MBD5: variants seen among roughly 807,000 people sequenced by gnomAD.
MBD5 encodes the protein methyl-CpG binding domain protein 5, also known as methyl-CpG-binding domain protein 5.
MBD5 carries 13 observed loss-of-function variants against 117.3 expected under a neutral mutation model. The observed-to-expected ratio is 0.11, with a 90% CI of 0.07 to 0.18. The LOEUF is 0.18. Ranked by LOEUF, MBD5 falls within the 10% of genes least tolerant of loss-of-function variation. The pLI is 1.00. For missense variants in MBD5, 1,879 were observed against 2,093.8 expected (o/e 0.90, Z 2.00); for synonymous variants, 727 against 766.4 (o/e 0.95, Z 0.85).
In MBD5 at chr2:148,431,592, C is replaced by T. The variant is rs78951917; in HGVS notation, c.-556-26611C>T. Among the ~76,000 whole-genome samples, 211 of 152,164 alleles carry T rather than the reference C, an allele frequency of 1.4e-3. 1 individual carries two copies. The highest frequency in any genetic ancestry group is 2.7e-3 in the Non-Finnish European group (181 of 67,962). Reference sequence around the variant, plus strand: ...GTGTCTGTTGTTCTTCTGTTATCCACGTGTTCTCATTGTTTAGCTTGCACT... The same window carrying T: ...GTGTCTGTTGTTCTTCTGTTATCCATGTGTTCTCATTGTTTAGCTTGCACT... On this transcript the variant is annotated intron_variant, in intron 4 of 13. Transcript: ENST00000642680.
intron 1 of MBD5, among the ~76,000 whole-genome samples, chr2:148,052,962 C>CA (rs780207792): frequency 0.011 from 1,102 of 102,460 alleles, 5 homozygotes; most frequent in South Asian, 0.023. Flanking sequence ...GAGTTCGTCT[C>CA]AAAAAAAAAA....
intron 1 of MBD5, among the ~76,000 whole-genome samples, chr2:148,127,626 C>T (rs1242829224): frequency 1.3e-5 from 2 of 152,192 alleles, no homozygotes; most frequent in Non-Finnish European, 2.9e-5. Flanking sequence ...TTTATTTAGT[C>T]TATCGTTGAT....
intron 10 of MBD5, 110 bp downstream of exon 10, chr2:148,486,060 AT>A: frequency 1.1e-6 from 1 of 910,644 alleles, no homozygotes; most frequent in Non-Finnish European, 1.8e-6. Flanking sequence ...TTTCACCTCT[AT>A]TTACTGTTAT....
chr2:148,261,961 C>T (rs543359545), intron 3 of MBD5, among the ~76,000 whole-genome samples: 1 of 152,276 alleles, frequency 6.6e-6, no homozygotes, highest in Non-Finnish European at 1.5e-5. Flanking sequence ...AGTCAGAACA[C>T]ACACAACATT....
At chr2:148,236,909 C>T (rs1163528760) in intron 3 of MBD5, among the ~76,000 whole-genome samples, 1 of 152,172 alleles carries the variant, frequency 6.6e-6, no homozygotes, top group Admixed American at 6.5e-5. Flanking sequence ...TTAGCTAGAG[C>T]TTCTAGATCA....
chr2:148,419,358 T>C (rs780868716), intron 4 of MBD5, among the ~76,000 whole-genome samples: 16 of 152,162 alleles, frequency 1.1e-4, no homozygotes, highest in Non-Finnish European at 2.2e-4. Flanking sequence ...ATCGTAAATA[T>C]GACACAAATA....
chr2:148,281,861 C>A (rs1280506079), intron 3 of MBD5, among the ~76,000 whole-genome samples: 1 of 152,132 alleles, frequency 6.6e-6, no homozygotes, highest in Non-Finnish European at 1.5e-5. Flanking sequence ...CATCTTAGTG[C>A]CATTTTTATG....
chr2:148,022,003 A>G (rs1443587067), intron 1 of MBD5, among the ~76,000 whole-genome samples: 1 of 152,176 alleles, frequency 6.6e-6, no homozygotes, highest in African/African-American at 2.4e-5. Context: ...GGCGCCAGGG[A>G]AAGAGACAGA....
chr2:148,156,057 G>A (rs2105709200), intron 1 of MBD5, among the ~76,000 whole-genome samples: 1 of 152,340 alleles, frequency 6.6e-6, no homozygotes, highest in East Asian at 1.9e-4. Context: ...ATAGGGGAAA[G>A]TGGCTCAAAA....
At chr2:148,341,584 A>AT (rs1378241686) in intron 3 of MBD5, among the ~76,000 whole-genome samples, 2 of 151,748 alleles carry the variant, frequency 1.3e-5, no homozygotes, top group East Asian at 3.9e-4. Context: ...ATTTTTTGGT[A>AT]TTTTCCATTT....
chr2:148,351,956 CCCTGTCTGGCTT>C (rs1259474704), intron 4 of MBD5, among the ~76,000 whole-genome samples: 3 of 151,804 alleles, frequency 2.0e-5, no homozygotes, highest in African/African-American at 4.8e-5. Context: ...GCCCTTTGTA[CCCTGTCTGGCTT>C]CCTTTTGAGG....
intron 4 of MBD5, among the ~76,000 whole-genome samples, chr2:148,376,838 TATATA>T (rs1349094726): frequency 1.4e-5 from 2 of 138,988 alleles, no homozygotes; most frequent in East Asian, 2.0e-4. Context: ...ATATAACATA[TATATA>T]ATTATATATT....
intron 3 of MBD5, among the ~76,000 whole-genome samples, chr2:148,261,620 T>G (rs1446407069): frequency 2.0e-5 from 3 of 152,246 alleles, no homozygotes; most frequent in African/African-American, 7.2e-5. Context: ...TAAAACTGTT[T>G]ATCAGCAAAA....
intron 1 of MBD5, among the ~76,000 whole-genome samples, chr2:148,153,988 T>C (rs1380147150): frequency 8.0e-6 from 1 of 124,388 alleles, no homozygotes; most frequent in African/African-American, 3.0e-5. Flanking sequence ...GGTGAGGAAC[T>C]GCGTTCCTTT....
chr2:148,127,664 G>A (rs1411108120), intron 1 of MBD5, among the ~76,000 whole-genome samples: 1 of 152,076 alleles, frequency 6.6e-6, no homozygotes, highest in Non-Finnish European at 1.5e-5. Context: ...CCATGTCTTT[G>A]CTATTGTGGA....
In MBD5 at chr2:148,406,462, C is replaced by T. The variant is rs151322249; in HGVS notation, c.-556-51741C>T. Among the ~76,000 whole-genome samples, 9 of 152,286 alleles carry T rather than the reference C, an allele frequency of 5.9e-5. No individual in the cohort carries two copies. In the East Asian group the frequency reaches 1.7e-3, roughly 29 times the overall value. On this transcript the variant is annotated intron_variant, in intron 4 of 13. Coordinates refer to ENST00000642680, the MANE Select transcript of MBD5 (RefSeq NM_001378120.1). Reference sequence around the variant, plus strand: ...AGATTGTCAGCTTTTATCACAAAGACTTCCAGCAGATTGCTTCTTCCAGTC... The same window carrying T: ...AGATTGTCAGCTTTTATCACAAAGATTTCCAGCAGATTGCTTCTTCCAGTC...
chr2:148,275,432 C>T (rs894441651), intron 3 of MBD5, among the ~76,000 whole-genome samples: 4 of 152,044 alleles, frequency 2.6e-5, no homozygotes, highest in South Asian at 2.1e-4. Flanking sequence ...AATTATCTCA[C>T]GGGAGTGTGG....
At chr2:148,366,618 C>G (rs1274381081) in intron 4 of MBD5, among the ~76,000 whole-genome samples, 1 of 152,198 alleles carries the variant, frequency 6.6e-6, no homozygotes, top group Non-Finnish European at 1.5e-5. Flanking sequence ...TGATGAGCAA[C>G]TTCAGCAAAG....
At chr2:148,149,598 C>G (rs946954867) in intron 1 of MBD5, among the ~76,000 whole-genome samples, 5 of 151,652 alleles carry the variant, frequency 3.3e-5, no homozygotes, top group Non-Finnish European at 5.9e-5. Context: ...CTCACCAGCA[C>G]CTGTTGTTTC....
Sources: gnomAD v4.1 joint callset for allele counts (sites outside exome capture counted in the v4.1 genomes callset) on GRCh38, gnomAD v4.1.1 for gene constraint, MANE v1.5 for transcripts, NCBI Gene and HGNC (gene_info 2026-07-23, HGNC 2026-07-21) for gene names.